Variants in RFX8 observed in about 807,000 individuals in gnomAD.
RFX8 encodes the protein regulatory factor X8, also known as DNA-binding protein RFX8.
RFX8 carries 46 observed loss-of-function variants against 54.6 expected under a neutral mutation model. That is an observed-to-expected ratio of 0.84 (90% confidence interval 0.67 to 1.08). The LOEUF is 1.08. RFX8 is among the 50% of genes least tolerant of loss of function. RFX8 has a pLI of 0.00. For synonymous variants in RFX8, 192 were observed against 209.5 expected, an observed-to-expected ratio of 0.92 and a Z score of 0.72; for missense variants, 536 against 562.3, an observed-to-expected ratio of 0.95 and a Z score of 0.47.
At chr2:101,467,295 C>G (rs1202430134) in intron 1 of RFX8, among the ~76,000 whole-genome samples, 2 of 152,144 alleles carry the variant, frequency 1.3e-5, no homozygotes, top group African/African-American at 4.8e-5. Flanking sequence ...GAATAAGACA[C>G]AAAACAATAC....
intron 2 of RFX8, chr2:101,452,330 A>G: frequency 1.0e-6 from 1 of 998,654 alleles, no homozygotes; most frequent in East Asian, 3.0e-5. Context: ...TCATTTTGTG[A>G]TTTTCCAAAT....
At chr2:101,423,024 G>A (rs933600446) in intron 2 of RFX8, among the ~76,000 whole-genome samples, 5 of 152,142 alleles carry the variant, frequency 3.3e-5, no homozygotes, top group Admixed American at 2.6e-4. Context: ...TTGGGAGGGC[G>A]AGGCGGGTGG....
chr2:101,407,868 C>T (rs1052411603), intron 9 of RFX8, among the ~76,000 whole-genome samples: 14 of 152,182 alleles, frequency 9.2e-5, no homozygotes, highest in African/African-American at 3.4e-4. Context: ...AGAAGCTCCT[C>T]CAGGGCCCGA....
intron 7 of RFX8, 71 bp from the exon 8 acceptor site, chr2:101,413,142 A>C: frequency 3.1e-6 from 4 of 1,273,912 alleles, no homozygotes; most frequent in Non-Finnish European, 4.4e-6. Context: ...TCTCCCCCAA[A>C]TTGCCAAGAT....
chr2:101,465,202 A>G (rs555157250), intron 2 of RFX8, among the ~76,000 whole-genome samples: 1 of 152,286 alleles, frequency 6.6e-6, no homozygotes, highest in South Asian at 2.1e-4. Context: ...ATGGTGAGAA[A>G]TAGAACTGCA....
chr2:101,446,423 CT>C (rs1285394836), intron 2 of RFX8, among the ~76,000 whole-genome samples: 1 of 120,556 alleles, frequency 8.3e-6, no homozygotes, highest in Non-Finnish European at 2.0e-5. Context: ...ATCCACTCGC[CT>C]TGGTCTCCCA....
intron 2 of RFX8, among the ~76,000 whole-genome samples, chr2:101,427,723 G>A (rs1687258305): frequency 6.6e-6 from 1 of 152,100 alleles, no homozygotes; most frequent in African/African-American, 2.4e-5. Flanking sequence ...CCAATTTGGA[G>A]TTCCCAAACC....
In RFX8 at chr2:101,413,022, G is replaced by A. The variant is rs1686240503; in HGVS notation, c.611C>T (p.Ser204Leu). Residue 204 changes from serine (S) to leucine (L), a missense_variant, in exon 8 of 12, where the codon TCA (serine) becomes TTA (leucine). Physicochemically the swap from Ser to Leu is moderately radical, Grantham distance 145. Transcript: ENST00000428343. The part of the protein sequence containing the change: ...KSKRRVSVLK[S>L]DLQAIINQGT... The stretch of plus-strand genomic sequence containing the variant: ...TTGATTGATGATGGCCTGTAGATCT[G>A]ACTTCAAAACGCTGACACGCCTCTT... The A allele has an allele frequency of 6.4e-7, 1 of 1,552,024 alleles. No individual in the cohort carries two copies. Among genetic ancestry groups the A allele is most frequent in the Non-Finnish European group, 8.7e-7 (1 of 1,147,024 alleles).
intron 2 of RFX8, among the ~76,000 whole-genome samples, chr2:101,454,649 G>A (rs1688870586): frequency 1.3e-5 from 2 of 152,296 alleles, no homozygotes; most frequent in South Asian, 2.1e-4. Flanking sequence ...GATAACCAGT[G>A]ATGATGAGCA....
At chr2:101,468,671 T>C (rs77867316) in intron 1 of RFX8, among the ~76,000 whole-genome samples, 4,927 of 152,048 alleles carry the variant, frequency 0.032, 252 homozygotes, top group African/African-American at 0.11. Context: ...TCAATTTAAC[T>C]AATTACATCT....
Position 101,410,251 on chromosome 2 carries a change from C to T in RFX8, c.813+368G>A, listed in dbSNP as rs183681096. Among the ~76,000 whole-genome samples the T allele has an allele frequency of 2.4e-4, 36 of 151,936 alleles. 1 individual carries two copies. Among genetic ancestry groups the T allele is most frequent in the South Asian group, 1.2e-3 (6 of 4,812 alleles). ...CTCACCCACACATACATACTGCACA[C>T]GCTCATGCACACCCACTCACCTGTA... On this transcript the variant is annotated intron_variant, in intron 9 of 11. Transcript: ENST00000428343.
intron 2 of RFX8, among the ~76,000 whole-genome samples, chr2:101,442,226 A>G (rs1468470653): frequency 6.6e-6 from 1 of 152,200 alleles, no homozygotes; most frequent in Non-Finnish European, 1.5e-5. Context: ...CATTGTCTCA[A>G]GTACCAGATG....
intron 1 of RFX8, among the ~76,000 whole-genome samples, chr2:101,472,329 T>C (rs1690050847): frequency 6.6e-6 from 1 of 152,150 alleles, no homozygotes; most frequent in South Asian, 2.1e-4. Flanking sequence ...CTCAAACTCC[T>C]GAGCTCAAGT....
intron 10 of RFX8, among the ~76,000 whole-genome samples, chr2:101,405,512 T>A (rs1298793071): frequency 6.6e-6 from 1 of 152,186 alleles, no homozygotes; most frequent in Non-Finnish European, 1.5e-5. Flanking sequence ...GGAAGTGATT[T>A]GACCAGGAAG....
intron 9 of RFX8, among the ~76,000 whole-genome samples, chr2:101,410,185 T>C (rs1212691692): frequency 6.6e-6 from 1 of 151,226 alleles, no homozygotes; most frequent in Non-Finnish European, 1.5e-5. Flanking sequence ...ACACACACTG[T>C]CACACACATG....
chr2:101,400,829 G>A (rs940147140), intron 11 of RFX8, among the ~76,000 whole-genome samples: 3 of 152,146 alleles, frequency 2.0e-5, no homozygotes, highest in Non-Finnish European at 4.4e-5. Context: ...ACACTCAGGC[G>A]CTTTCCACTG....
At chr2:101,408,261 G>A (rs1265969553) in intron 9 of RFX8, among the ~76,000 whole-genome samples, 1 of 152,008 alleles carries the variant, frequency 6.6e-6, no homozygotes, top group East Asian at 1.9e-4. Flanking sequence ...TGAGGCGGGC[G>A]GATCACGAGG....
At chr2:101,415,129 C>A (rs1011205566) in intron 6 of RFX8, among the ~76,000 whole-genome samples, 10 of 151,974 alleles carry the variant, frequency 6.6e-5, no homozygotes, top group South Asian at 2.1e-4. Context: ...AATTAAGTAA[C>A]CCCAGCATCT....
intron 2 of RFX8, among the ~76,000 whole-genome samples, chr2:101,457,616 C>T (rs1365024553): frequency 2.0e-5 from 3 of 152,098 alleles, no homozygotes; most frequent in African/African-American, 7.2e-5. Context: ...CTGAGGAGTG[C>T]TTTACTTCCA....
Sources: gnomAD v4.1 joint callset for allele counts (sites outside exome capture counted in the v4.1 genomes callset) on GRCh38, gnomAD v4.1.1 for gene constraint, MANE v1.5 for transcripts, NCBI Gene and HGNC (gene_info 2026-07-23, HGNC 2026-07-21) for gene names.